ATP1A1: variants seen among roughly 807,000 people sequenced by gnomAD.
ATP1A1 encodes ATPase Na+/K+ transporting subunit alpha 1.
In ATP1A1, 14 loss-of-function variants were observed where a neutral mutation model predicts 114.8. The observed-to-expected ratio is 0.12, with a 90% confidence interval of 0.08 to 0.19. The LOEUF is 0.19. Ranked by LOEUF, ATP1A1 falls within the 10% of genes least tolerant of loss-of-function variation. The pLI is 1.00. For missense variants in ATP1A1, 524 were observed against 1,290.7 expected (o/e 0.41, Z 9.10); for synonymous variants, 471 against 466.3 (o/e 1.01, Z -0.13).
chr1:116,389,100 C>A lies in ATP1A1; in HGVS notation c.754+81C>A. On this transcript the variant is annotated intron_variant, in intron 7 of 22. Transcript: ENST00000295598. This position sits in a 1 kb window ranked among gnomAD's most constrained non-coding sequence, Gnocchi z 6.9. Reference sequence around the variant, plus strand: ...AAAATCAAAACCATAGGCACAATCTCTTGTTTTATTGGCTCCATTTCTGAG... The same window carrying A: ...AAAATCAAAACCATAGGCACAATCTATTGTTTTATTGGCTCCATTTCTGAG... 7.8e-7 allele frequency: 1 copy of A among 1,289,672 alleles called. No homozygotes were observed. Among genetic ancestry groups the A allele is most frequent in the South Asian group, 1.2e-5 (1 of 80,128 alleles). The allele number at this position is 1,289,672 out of a possible 1,614,324, so 79.9% of individuals were successfully genotyped here. A position where few individuals can be genotyped will look rare whatever the true frequency, so the allele number is the denominator to read the frequency against.
At chr1:116,400,513 G>C (rs1378998347) in intron 18 of ATP1A1, among the ~76,000 whole-genome samples, 1 of 152,226 alleles carries the variant, frequency 6.6e-6, no homozygotes, top group East Asian at 1.9e-4. Flanking sequence ...TCATTTGTCA[G>C]AGATTAAAAA....
intron 12 of ATP1A1, among the ~76,000 whole-genome samples, chr1:116,394,806 A>G (rs1652771790): frequency 6.6e-6 from 1 of 152,208 alleles, no homozygotes; most frequent in African/African-American, 2.4e-5. Context: ...GGGCAAGTCT[A>G]GAACCCTAAT....
At chr1:116,373,562 C>A in intron 1 of ATP1A1, 39 bp downstream of exon 1, 1 of 1,417,412 alleles carries the variant, frequency 7.1e-7, no homozygotes, top group African/African-American at 1.5e-5. Flanking sequence ...GCTCGGGGAG[C>A]CCTCGAGGGG....
At position 116,389,891 on chromosome 1, in the gene ATP1A1, G is replaced by A. The variant is rs117059698; in HGVS notation, c.1023+184G>A. The A allele has an allele frequency of 1.7e-4, 154 of 927,878 alleles. 1 individual carries two copies. In the East Asian group the frequency reaches 2.4e-3, roughly 14 times the overall value. 57.5% of individuals were successfully genotyped at this position (927,878 alleles called of 1,614,324 possible). ...AGAAAACCTCAGCATTTGTTTATAC[G>A]TAAGATAACCCCAAAGCATACATTT... On this transcript the variant is annotated intron_variant, in intron 8 of 22. Transcript: ENST00000295598. The surrounding 1 kb of genome is among the most constrained non-coding windows in gnomAD (Gnocchi z 6.9).
At position 116,393,481 on chromosome 1, in the gene ATP1A1, C is replaced by T; in HGVS notation, c.1468-50C>T. ...GTGAAGCTTTGTTTTCCACCATGGA[C>T]TGCCACACATCCAACCATCCAATGT... On this transcript the variant is annotated intron_variant, in intron 11 of 22. Transcript: ENST00000295598. The surrounding 1 kb of genome is among the most constrained non-coding windows in gnomAD (Gnocchi z 5.0). The T allele has an allele frequency of 1.9e-6, 3 of 1,550,110 alleles. No homozygotes were observed. The highest frequency in any genetic ancestry group is 2.6e-6 in the Non-Finnish European group (3 of 1,140,620).
At chr1:116,374,224 C>T in intron 1 of ATP1A1, 1 of 1,551,572 alleles carries the variant, frequency 6.4e-7, no homozygotes, top group Non-Finnish European at 8.7e-7. Flanking sequence ...TCTTCACTGC[C>T]CTAAGATGGC....
Position 116,404,060 on chromosome 1 carries a change from T to A in ATP1A1, c.3043+85T>A. 2 of 1,342,906 alleles carry A rather than the reference T, an allele frequency of 1.5e-6. No individual in the cohort carries two copies. The highest frequency in any genetic ancestry group is 2.1e-6 in the Non-Finnish European group (2 of 954,478). 83.2% of individuals were successfully genotyped at this position (1,342,906 alleles called of 1,614,324 possible). On this transcript the variant is annotated intron_variant, in intron 22 of 22. Transcript: ENST00000295598. This position sits in a 1 kb window ranked among gnomAD's most constrained non-coding sequence, Gnocchi z 4.8. Reference sequence around the variant, plus strand: ...GGTTTTTTGTTTCCCTCAAGGTGTCTAGGCTCCCTCAGTGGTCAGTCTGAT... The same window carrying A: ...GGTTTTTTGTTTCCCTCAAGGTGTCAAGGCTCCCTCAGTGGTCAGTCTGAT...
rs1462445774 is a variant in ATP1A1, at chr1:116,399,710, T to C, written c.2572+167T>C. Among the ~76,000 whole-genome samples, 3 of 152,222 alleles carry C rather than the reference T, an allele frequency of 2.0e-5. No homozygotes were observed. The highest frequency in any genetic ancestry group is 1.5e-5 in the Non-Finnish European group (1 of 68,028). Reference sequence around the variant, plus strand: ...TGGAGTTTCTCTGAACTCTCTTCCATGTGAGAATACATCTGTTGCTGTTTG... The same window carrying C: ...TGGAGTTTCTCTGAACTCTCTTCCACGTGAGAATACATCTGTTGCTGTTTG... On this transcript the variant is annotated intron_variant, in intron 18 of 22. Coordinates refer to ENST00000295598, the MANE Select transcript of ATP1A1 (RefSeq NM_000701.8). This position sits in a 1 kb window ranked among gnomAD's most constrained non-coding sequence, Gnocchi z 5.0.
rs767286476 is a variant in ATP1A1 at position 116,399,098 on chromosome 1, C to T, written c.2448+14C>T. 3.1e-6 allele frequency: 5 copies of T among 1,614,028 alleles called. No individual in the cohort carries two copies. Among genetic ancestry groups the T allele is most frequent in the South Asian group, 1.1e-5 (1 of 91,088 alleles). ...GGCACTGACATGGTGAGTGTCACAA[C>T]AGTCACAGATCGATAGTAGTGAGGT... is the stretch of plus-strand genomic sequence containing the variant. On this transcript the variant is annotated intron_variant, in intron 17 of 22. Coordinates refer to ENST00000295598, the MANE Select transcript of ATP1A1 (RefSeq NM_000701.8). The surrounding 1 kb of genome is among the most constrained non-coding windows in gnomAD (Gnocchi z 5.0).
chr1:116,399,221 C>A lies in ATP1A1; in HGVS notation c.2448+137C>A. On this transcript the variant is annotated intron_variant, in intron 17 of 22. Coordinates refer to ENST00000295598, the MANE Select transcript of ATP1A1 (RefSeq NM_000701.8). This position sits in a 1 kb window ranked among gnomAD's most constrained non-coding sequence, Gnocchi z 5.0. ...CAGGACCAGTATCCAGTGTGTGTCCCAATCCCGGCTTCACAGAATCAGTAT... is the reference window on the plus strand; with the variant it reads ...CAGGACCAGTATCCAGTGTGTGTCCAAATCCCGGCTTCACAGAATCAGTAT... 1 of 1,396,598 alleles carries A rather than the reference C, an allele frequency of 7.2e-7. No individual in the cohort carries two copies. The highest frequency in any genetic ancestry group is 9.8e-7 in the Non-Finnish European group (1 of 1,017,616). The allele number at this position is 1,396,598 out of a possible 1,614,324, so 86.5% of individuals were successfully genotyped here.
In ATP1A1 at chr1:116,393,742, AAC is replaced by A; in HGVS notation, c.1660+21_1660+22del. 6.2e-7 allele frequency: 1 copy of A among 1,607,022 alleles called. No homozygotes were observed. On this transcript the variant is annotated intron_variant, in intron 12 of 22. Coordinates refer to ENST00000295598, the MANE Select transcript of ATP1A1 (RefSeq NM_000701.8). This position sits in a 1 kb window ranked among gnomAD's most constrained non-coding sequence, Gnocchi z 5.0. Reference sequence around the variant, plus strand: ...GTCCTAGGTATGCAGATAACCTGGTAACAGAGTGCCTGGGCACGTTTTTATCC... The same window carrying A: ...GTCCTAGGTATGCAGATAACCTGGTAAGAGTGCCTGGGCACGTTTTTATCC...
chr1:116,391,360 T>C (rs1652463293), intron 10 of ATP1A1, among the ~76,000 whole-genome samples: 1 of 152,250 alleles, frequency 6.6e-6, no homozygotes, highest in African/African-American at 2.4e-5. Flanking sequence ...TCTTATCTTA[T>C]TGGTTCTTAG....
chr1:116,374,456 C>A (rs973465561), intron 1 of ATP1A1, among the ~76,000 whole-genome samples: 4 of 152,214 alleles, frequency 2.6e-5, no homozygotes, highest in African/African-American at 9.6e-5. Flanking sequence ...GGAATCTCTG[C>A]CGGTTTCCAG....
rs1653033950 is a variant in ATP1A1 at position 116,397,548 on chromosome 1, C to CA, written c.1974-340_1974-339insA. Among the ~76,000 whole-genome samples, 1 of 152,094 alleles carries CA rather than the reference C, an allele frequency of 6.6e-6. No homozygotes were observed. Among genetic ancestry groups the CA allele is most frequent in the Non-Finnish European group, 1.5e-5 (1 of 68,006 alleles). On this transcript the variant is annotated intron_variant, in intron 14 of 22. Transcript: ENST00000295598. This position sits in a 1 kb window ranked among gnomAD's most constrained non-coding sequence, Gnocchi z 4.2. ...TCTCGAACTCCTGACCTCAAGTGAT[C>CA]CACTCACCTCAGCCTCCCAAAGTGC...
At position 116,374,229 on chromosome 1, in the gene ATP1A1, G is replaced by A. The variant is rs150267900; in HGVS notation, c.12+706G>A. 44 of 1,551,642 alleles carry A rather than the reference G, an allele frequency of 2.8e-5. No individual in the cohort carries two copies. The African/African-American group carries it at 5.9e-4, about 21-fold the overall frequency. On this transcript the variant is annotated intron_variant, in intron 1 of 22. Coordinates refer to ENST00000295598, the MANE Select transcript of ATP1A1 (RefSeq NM_000701.8). ...AAAGGGTGTGTCTTCACTGCCCTAAGATGGCCTTTAAGGTATACTTTTGAG... is the reference window on the plus strand; with the variant it reads ...AAAGGGTGTGTCTTCACTGCCCTAAAATGGCCTTTAAGGTATACTTTTGAG...
At chr1:116,386,502 A>G (rs1056598303) in intron 3 of ATP1A1, among the ~76,000 whole-genome samples, 1 of 152,248 alleles carries the variant, frequency 6.6e-6, no homozygotes, top group Non-Finnish European at 1.5e-5. Flanking sequence ...GTTTGGTAAC[A>G]TGAGCACAAA....
rs151323380 is a variant in ATP1A1 at position 116,397,939 on chromosome 1, C to A, written c.2025C>A (p.Ser675=). 2.5e-6 allele frequency: 4 copies of A among 1,613,648 alleles called. No individual in the cohort carries two copies. In the African/African-American group the frequency reaches 5.4e-5, roughly 22 times the overall value. ...GCAGTGATCTAAAGGACATGACCTC[C>A]GAGCAGCTGGATGACATTTTGAAGT... The part of the protein sequence containing the change: ...VHGSDLKDMT[S]EQLDDILKYH... The change falls in exon 15 of 23, where the codon TCC becomes TCA. Residue 675 remains serine, a synonymous_variant. Coordinates refer to ENST00000295598, the MANE Select transcript of ATP1A1 (RefSeq NM_000701.8). The surrounding 1 kb of genome is among the most constrained non-coding windows in gnomAD (Gnocchi z 4.2).
chr1:116,390,972 C>T, intron 10 of ATP1A1, 81 bp downstream of exon 10: 2 of 1,237,912 alleles, frequency 1.6e-6, no homozygotes. Flanking sequence ...AGCAAATTAC[C>T]TTTGTGGTCT....
chr1:116,403,601 A>G (rs1340897017), intron 21 of ATP1A1, among the ~76,000 whole-genome samples: 1 of 152,236 alleles, frequency 6.6e-6, no homozygotes, highest in Non-Finnish European at 1.5e-5. Flanking sequence ...TGCTCATCCT[A>G]TAAACCAAGT....
Sources: allele counts gnomAD v4.1 joint callset (sites outside exome capture counted in the v4.1 genomes callset), GRCh38; gene constraint gnomAD v4.1.1; non-coding constraint Gnocchi (gnomAD v3.1); transcripts MANE v1.5; gene names NCBI Gene and HGNC (gene_info 2026-07-23, HGNC 2026-07-21).